UNG: variants seen among roughly 807,000 people sequenced by gnomAD.
The protein encoded by UNG is uracil DNA glycosylase.
In UNG, 34 loss-of-function variants were observed where a neutral mutation model predicts 36.5. That is an observed-to-expected ratio of 0.93 (90% confidence interval 0.71 to 1.24). The LOEUF is 1.24. UNG is among the 50% of genes most tolerant of loss of function. The pLI is 0.00. For synonymous variants in UNG, 172 were observed against 157.8 expected, an observed-to-expected ratio of 1.09 and a Z score of -0.67; for missense variants, 391 against 397.6, an observed-to-expected ratio of 0.98 and a Z score of 0.14.
intron 3 of UNG, 151 bp from the exon 4 acceptor site, chr12:109,101,751 T>C: frequency 1.4e-6 from 1 of 705,708 alleles, no homozygotes; most frequent in Non-Finnish European, 2.5e-6. Flanking sequence ...TTTACAAGTT[T>C]AAAATACGCT....
At chr12:109,101,873 T>G (rs774207671) in intron 3 of UNG, 29 bp from the exon 4 acceptor site, 1 of 1,597,584 alleles carries the variant, frequency 6.3e-7, no homozygotes, top group Non-Finnish European at 8.6e-7. Context: ...TACAGTATTG[T>G]TTAATTCCTG....
intron 6 of UNG, among the ~76,000 whole-genome samples, chr12:109,104,720 C>T (rs1301137043): frequency 6.6e-6 from 1 of 151,986 alleles, no homozygotes; most frequent in Non-Finnish European, 1.5e-5. Context: ...AGGAGACGAG[C>T]CAGGGGTGTG....
At chr12:109,109,526 G>A (rs1181343055) in intron 6 of UNG, among the ~76,000 whole-genome samples, 4 of 151,402 alleles carry the variant, frequency 2.6e-5, no homozygotes, top group Admixed American at 1.3e-4. Context: ...GTTCACGCCT[G>A]TAATCCCAGC....
chr12:109,099,292 C>T lies in UNG; in HGVS notation c.435+8C>T. On this transcript the variant is annotated splice_region_variant and intron_variant, in intron 3 of 6. Coordinates refer to ENST00000242576, the MANE Select transcript of UNG (RefSeq NM_080911.3). ...ATGTGTGACATAAAAGATGTAAGTA[C>T]AACTTGTTGATAATTTTTATTGGGG... 1.2e-6 allele frequency: 2 copies of T among 1,609,934 alleles called. No homozygotes were observed. The highest frequency in any genetic ancestry group is 1.3e-5 in the African/African-American group (1 of 74,946).
At position 109,097,816 on chromosome 12, in the gene UNG, G is replaced by A; in HGVS notation, c.132+5G>A. The A allele has an allele frequency of 6.5e-7, 1 of 1,539,304 alleles. No homozygotes were observed. The highest frequency in any genetic ancestry group is 8.8e-7 in the Non-Finnish European group (1 of 1,139,934). On this transcript the variant is annotated splice_donor_5th_base_variant and intron_variant, in intron 1 of 6. Coordinates refer to ENST00000242576, the MANE Select transcript of UNG (RefSeq NM_080911.3). ...GAGGAAAGCGGAGATGCGGCGGTGA[G>A]GCGCGGCTTGGGCCGGGGCTAGGGG...
Position 109,103,603 on chromosome 12 carries a change from A to G in UNG, c.793A>G (p.Ile265Val), listed in dbSNP as rs2042195632. Residue 265 changes from isoleucine (I) to valine (V), a missense_variant, in exon 6 of 7, where the codon ATT (isoleucine) becomes GTT (valine). Coordinates refer to ENST00000242576, the MANE Select transcript of UNG (RefSeq NM_080911.3). ...GSYAQKKGSAIDRKRHHVLQT... is the reference protein window; with the variant it reads ...GSYAQKKGSAVDRKRHHVLQT... ...TTATGCTCAGAAGAAGGGCAGTGCC[A>G]TTGATAGGGTATGTTTTGTTTTCTT... 1.2e-6 allele frequency: 2 copies of G among 1,612,632 alleles called. No individual in the cohort carries two copies. Among genetic ancestry groups the G allele is most frequent in the Non-Finnish European group, 8.5e-7 (1 of 1,179,638 alleles).
chr12:109,099,100 C>A, intron 2 of UNG, 89 bp from the exon 3 acceptor site: 4 of 1,243,188 alleles, frequency 3.2e-6, no homozygotes, highest in Non-Finnish European at 4.7e-6. Context: ...TAATGATGTT[C>A]CAAATAACTT....
At chr12:109,098,150 C>T in intron 1 of UNG, 1 of 1,381,802 alleles carries the variant, frequency 7.2e-7, no homozygotes. Flanking sequence ...TGGGGCGGGT[C>T]TGGCGGGGGC....
In UNG at chr12:109,110,849, A is replaced by ATT. The variant is rs998561457; in HGVS notation, c.*884_*885dup. On this transcript the variant is annotated 3_prime_UTR_variant, in exon 7 of 7. Transcript: ENST00000242576. ...TACTCATGCAGATATATATATATATATTTTTCCCAGTCCTTTTTTTAAGAG... is the reference window on the plus strand; with the variant it reads ...TACTCATGCAGATATATATATATATATTTTTTTCCCAGTCCTTTTTTTAAGAG... 5 of 151,640 alleles carry ATT rather than the reference A, an allele frequency of 3.3e-5. No individual in the cohort carries two copies. Among genetic ancestry groups the ATT allele is most frequent in the East Asian group, 1.9e-4 (1 of 5,164 alleles). The allele number at this position is 151,640 out of a possible 1,614,324, so 9.4% of individuals were successfully genotyped here.
At chr12:109,104,531 C>T (rs1241136137) in intron 6 of UNG, among the ~76,000 whole-genome samples, 1 of 152,156 alleles carries the variant, frequency 6.6e-6, no homozygotes, top group Non-Finnish European at 1.5e-5. Flanking sequence ...TCCTCCATCC[C>T]ATCAGTAAAT....
Position 109,103,510 on chromosome 12 carries a change from T to C in UNG, c.700T>C (p.Phe234Leu). 6.2e-7 allele frequency: 1 copy of C among 1,614,208 alleles called. No individual in the cohort carries two copies. Among genetic ancestry groups the C allele is most frequent in the Non-Finnish European group, 8.5e-7 (1 of 1,180,028 alleles). ...TCATAAGGAGCGAGGCTGGGAGCAG[T>C]TCACTGATGCAGTTGTGTCCTGGCT... is the stretch of plus-strand genomic sequence containing the variant. The part of the protein sequence containing the change: ...NSHKERGWEQ[F>L]TDAVVSWLNQ... The change falls in exon 6 of 7, where the codon TTC (phenylalanine) becomes CTC (leucine). Residue 234 changes from phenylalanine (F) to leucine (L), a missense_variant. Transcript: ENST00000242576.
At chr12:109,109,170 G>A (rs933665289) in intron 6 of UNG, among the ~76,000 whole-genome samples, 1 of 152,184 alleles carries the variant, frequency 6.6e-6, no homozygotes, top group Non-Finnish European at 1.5e-5. Flanking sequence ...CATCCATTGT[G>A]TTAATAAGTT....
In UNG at chr12:109,110,455, GTCC is replaced by G. The variant is rs1277107180; in HGVS notation, c.*489_*491del. 5.2e-6 allele frequency: 1 copy of G among 193,940 alleles called. No homozygotes were observed. Among genetic ancestry groups the G allele is most frequent in the East Asian group, 1.2e-4 (1 of 8,312 alleles). The allele number at this position is 193,940 out of a possible 1,614,324, so 12.0% of individuals were successfully genotyped here. The stretch of plus-strand genomic sequence containing the variant: ...CACTGCCCCCTTGATCTTTGAAGGA[GTCC>G]TCAGGCCCCTCGCAGCATAAGGATG... On this transcript the variant is annotated 3_prime_UTR_variant, in exon 7 of 7. Transcript: ENST00000242576.
At chr12:109,099,919 G>T (rs1046350465) in intron 3 of UNG, among the ~76,000 whole-genome samples, 2 of 152,226 alleles carry the variant, frequency 1.3e-5, no homozygotes. Flanking sequence ...AAAATTAGCC[G>T]GGCATGGTGG....
At chr12:109,103,970 T>C (rs1041330217) in intron 6 of UNG, among the ~76,000 whole-genome samples, 3 of 152,182 alleles carry the variant, frequency 2.0e-5, no homozygotes, top group African/African-American at 2.4e-5. Context: ...TGGGAACATA[T>C]AGAAAACACA....
intron 6 of UNG, among the ~76,000 whole-genome samples, chr12:109,107,136 T>G (rs2042223909): frequency 6.6e-6 from 1 of 151,366 alleles, no homozygotes; most frequent in Non-Finnish European, 1.5e-5. Context: ...GGTGTACGGA[T>G]AGCAGTGAAA....
At chr12:109,103,301 G>A in intron 5 of UNG, 132 bp from the exon 6 acceptor site, 1 of 881,364 alleles carries the variant, frequency 1.1e-6, no homozygotes, top group East Asian at 2.6e-5. Flanking sequence ...TATGCCGGCT[G>A]CAGCAGGGAA....
chr12:109,106,915 A>ATATATATATATG (rs2042220910), intron 6 of UNG, among the ~76,000 whole-genome samples: 7 of 43,308 alleles, frequency 1.6e-4, no homozygotes, highest in African/African-American at 3.7e-4. Flanking sequence ...GTATATATAT[A>ATATATATATATG]TGTGTATATA....
chr12:109,103,318 C>A, intron 5 of UNG, 115 bp from the exon 6 acceptor site: 5 of 1,004,834 alleles, frequency 5.0e-6, no homozygotes, highest in Non-Finnish European at 7.7e-6. Flanking sequence ...GGAAGCACAG[C>A]TTGCTACACT....
Sources: allele counts gnomAD v4.1 joint callset (sites outside exome capture counted in the v4.1 genomes callset), GRCh38; gene constraint gnomAD v4.1.1; transcripts MANE v1.5; gene names NCBI Gene and HGNC (gene_info 2026-07-23, HGNC 2026-07-21).